The following EED variants were observed in gnomAD, a reference collection of about 807,000 sequenced individuals.
The protein encoded by EED is polycomb protein EED.
A neutral mutation model predicts 61.0 loss-of-function variants in EED; 9 were observed. The observed-to-expected ratio is 0.15, with a 90% CI of 0.09 to 0.26. The LOEUF (loss-of-function observed/expected upper bound fraction) is 0.26. Ranked by LOEUF, EED falls within the 10% of genes least tolerant of loss-of-function variation. The pLI is 1.00. For missense variants in EED, 315 were observed against 542.3 expected (o/e 0.58, Z 4.16); for synonymous variants, 187 against 174.4 (o/e 1.07, Z -0.57).
intron 5 of EED, among the ~76,000 whole-genome samples, chr11:86,257,037 C>CT (rs111712382): frequency 9.7e-4 from 141 of 145,352 alleles, no homozygotes; most frequent in East Asian, 1.2e-3. Flanking sequence ...TTTTGAGCAT[C>CT]TTTTTTTTTT....
the EED span, among the ~76,000 whole-genome samples, chr11:86,286,577 A>C: frequency 6.6e-6 from 1 of 152,210 alleles, no homozygotes; most frequent in Non-Finnish European, 1.5e-5. Context: ...CCTTTGAGGC[A>C]AAGGGGACAG....
Position 86,245,065 on chromosome 11 carries a change from G to T in EED, c.-165G>T. The T allele has an allele frequency of 1.8e-6, 1 of 550,710 alleles. No individual in the cohort carries two copies. Among genetic ancestry groups the T allele is most frequent in the Non-Finnish European group, 3.2e-6 (1 of 317,146 alleles). 34.1% of individuals were successfully genotyped at this position (550,710 alleles called of 1,614,324 possible). A position where few individuals can be genotyped will look rare whatever the true frequency, so the allele number is the denominator to read the frequency against. ...TTTCAGCAGTGTGGCGGGGTCGCAC[G>T]CACGCCCGCCTCGGCGGCTGGGCGC... On this transcript the variant is annotated 5_prime_UTR_variant, in exon 1 of 12. Coordinates refer to ENST00000263360, the MANE Select transcript of EED (RefSeq NM_003797.5).
In EED at chr11:86,277,005, G is replaced by A; in HGVS notation, c.992G>A (p.Trp331Ter). Residue 331 changes from tryptophan (W) to a stop codon, truncating the protein, a stop_gained, in exon 10 of 12, where the codon TGG (tryptophan) becomes TAG (stop). Transcript: ENST00000263360. LOFTEE classifies it high-confidence loss of function. Reference sequence around the variant, plus strand: ...TCTTGTGAAAATGCCATTGTGTGCTGGAAACCTGGCAAGATGGAAGATGAT... The same window carrying A: ...TCTTGTGAAAATGCCATTGTGTGCTAGAAACCTGGCAAGATGGAAGATGAT... ...SKSCENAIVC[W>*]KPGKMEDDID... is the part of the protein sequence containing the mutation. 6.6e-7 allele frequency: 1 copy of A among 1,523,926 alleles called. No homozygotes were observed. The highest frequency in any genetic ancestry group is 8.9e-7 in the Non-Finnish European group (1 of 1,122,378). 94.4% of individuals were successfully genotyped at this position (1,523,926 alleles called of 1,614,324 possible).
downstream of EED, among the ~76,000 whole-genome samples, chr11:86,279,172 G>T (rs1266670686): frequency 6.6e-6 from 1 of 152,128 alleles, no homozygotes. Context: ...ATTCTACAGA[G>T]TTAGAACCTC....
At chr11:86,259,201 A>G (rs981628047) in intron 6 of EED, among the ~76,000 whole-genome samples, 7 of 116,392 alleles carry the variant, frequency 6.0e-5, no homozygotes, top group African/African-American at 1.1e-4. Flanking sequence ...GTCTTCCTCT[A>G]TTGTGTCAGT....
At chr11:86,260,420 G>T (rs568674638) in intron 6 of EED, among the ~76,000 whole-genome samples, 2 of 151,976 alleles carry the variant, frequency 1.3e-5, no homozygotes, top group Admixed American at 1.3e-4. Context: ...GTAGAGATAC[G>T]GTTTCATTAT....
At chr11:86,286,624 G>T in the EED span, among the ~76,000 whole-genome samples, 1 of 152,062 alleles carries the variant, frequency 6.6e-6, no homozygotes, top group Admixed American at 6.6e-5. Context: ...CTTGAACAAG[G>T]TATCATCTAG....
intron 6 of EED, among the ~76,000 whole-genome samples, chr11:86,259,099 C>T (rs1279361372): frequency 2.0e-5 from 3 of 151,662 alleles, no homozygotes; most frequent in Admixed American, 6.6e-5. Context: ...AACTCCTGAC[C>T]TCAGGTGGTC....
rs71040223 is a variant in EED at position 86,257,185 on chromosome 11, T to TTGTGTGTGTG, written c.553-306_553-297dup. Among the ~76,000 whole-genome samples, 1,251 of 143,452 alleles carry TTGTGTGTGTG rather than the reference T, an allele frequency of 8.7e-3. 10 individuals carry two copies. The highest frequency in any genetic ancestry group is 0.028 in the African/African-American group (1,066 of 38,508). 94.1% of individuals were successfully genotyped at this position (143,452 alleles called of 152,430 possible). On this transcript the variant is annotated intron_variant, in intron 5 of 11. Coordinates refer to ENST00000263360, the MANE Select transcript of EED (RefSeq NM_003797.5). ...CAAGTAGCTGGGGCCAATTTTTAAT[T>TTGTGTGTGTG]TGTGTGTGTGTGTGTGTGTGTGTGT...
intron 1 of EED, among the ~76,000 whole-genome samples, chr11:86,246,406 A>G (rs1328202942): frequency 6.6e-6 from 1 of 152,198 alleles, no homozygotes; most frequent in Non-Finnish European, 1.5e-5. Flanking sequence ...CAGTTTGGCT[A>G]GTTTTAGGAA....
At chr11:86,284,433 A>G in the EED span, 1 of 152,318 alleles carries the variant, frequency 6.6e-6, no homozygotes, top group African/African-American at 2.4e-5. Flanking sequence ...CTGGATTACA[A>G]CTGCACCTTG....
At chr11:86,258,286 AT>A (rs1239554934) in intron 6 of EED, among the ~76,000 whole-genome samples, 1 of 152,126 alleles carries the variant, frequency 6.6e-6, no homozygotes, top group African/African-American at 2.4e-5. Context: ...TTGCTTTTTT[AT>A]TTTTTAAAAA....
chr11:86,256,639 T>C (rs1310493482), intron 5 of EED, 127 bp downstream of exon 5: 1 of 977,080 alleles, frequency 1.0e-6, no homozygotes, highest in African/African-American at 1.6e-5. Flanking sequence ...CTTTTCTTAC[T>C]GCTCTCTTTG....
intron 9 of EED, among the ~76,000 whole-genome samples, chr11:86,273,757 AT>A (rs938718709): frequency 1.3e-5 from 2 of 152,166 alleles, no homozygotes; most frequent in African/African-American, 4.8e-5. Flanking sequence ...CCGATGAGAA[AT>A]TTGCTGTCAC....
chr11:86,270,165 C>A, intron 9 of EED: 1 of 699,968 alleles, frequency 1.4e-6, no homozygotes, highest in Non-Finnish European at 2.6e-6. Context: ...TTGGTATTGT[C>A]ATTATTTTTT....
chr11:86,277,058 A>C lies in EED; in HGVS notation c.1045A>C (p.Asn349His). 1 of 1,590,930 alleles carries C rather than the reference A, an allele frequency of 6.3e-7. No homozygotes were observed. The highest frequency in any genetic ancestry group is 8.6e-7 in the Non-Finnish European group (1 of 1,164,476). Residue 349 changes from asparagine to histidine, a missense_variant, in exon 10 of 12, where the codon AAT becomes CAT. Transcript: ENST00000263360. ...AGATAAAATTAAACCCAGTGAATCTAATGTGACTATTCTTGGGCGATTTGA... is the reference window on the plus strand; with the variant it reads ...AGATAAAATTAAACCCAGTGAATCTCATGTGACTATTCTTGGGCGATTTGA... The part of the protein sequence containing the change: ...DIDKIKPSES[N>H]VTILGRFDYS...
intron 9 of EED, among the ~76,000 whole-genome samples, chr11:86,271,477 T>C (rs1352946037): frequency 1.3e-5 from 2 of 152,254 alleles, no homozygotes; most frequent in East Asian, 3.8e-4. Flanking sequence ...TTTCTTCCTT[T>C]GTGATCTATA....
chr11:86,249,818 C>T (rs1945482344), intron 1 of EED, among the ~76,000 whole-genome samples: 2 of 152,202 alleles, frequency 1.3e-5, no homozygotes, highest in African/African-American at 2.4e-5. Flanking sequence ...CATTAACACT[C>T]CTGCTTCAAA....
intron 10 of EED, chr11:86,277,467 C>T (rs1003309106): frequency 2.6e-4 from 50 of 192,072 alleles, no homozygotes; most frequent in Admixed American, 4.8e-4. Context: ...TGTCAGTCTA[C>T]CTATGTAACT....
Sources: allele counts gnomAD v4.1 joint callset (sites outside exome capture counted in the v4.1 genomes callset), GRCh38; gene constraint gnomAD v4.1.1; transcripts MANE v1.5; gene names NCBI Gene and HGNC (gene_info 2026-07-23, HGNC 2026-07-21).